SPAG1: variants seen among roughly 807,000 people sequenced by gnomAD.
SPAG1 encodes the protein sperm associated antigen 1, also known as sperm-associated antigen 1.
Under a neutral mutation model 100.5 loss-of-function variants are expected in SPAG1, and 69 were observed. The ratio of observed to expected loss-of-function variants is 0.69; its 90% CI spans 0.57 to 0.84. The LOEUF is 0.84. SPAG1 is among the 40% of genes least tolerant of loss of function. SPAG1 has a pLI of 0.00. For missense variants in SPAG1, 955 were observed against 1,133.1 expected (o/e 0.84, Z 2.26); for synonymous variants, 336 against 411.6 (o/e 0.82, Z 2.22).
chr8:100,223,760 T>C (rs1227453834), intron 13 of SPAG1, among the ~76,000 whole-genome samples: 3 of 152,078 alleles, frequency 2.0e-5, no homozygotes, highest in Non-Finnish European at 4.4e-5. Flanking sequence ...GCTGGTAATA[T>C]AAGTTTTGCT....
At chr8:100,237,738 T>C (rs1819069115) in intron 16 of SPAG1, among the ~76,000 whole-genome samples, 1 of 152,178 alleles carries the variant, frequency 6.6e-6, no homozygotes, top group African/African-American at 2.4e-5. Flanking sequence ...TCTGCCCTCT[T>C]CATGCTTGTC....
intron 3 of SPAG1, among the ~76,000 whole-genome samples, chr8:100,166,840 G>A (rs1301199012): frequency 6.6e-6 from 1 of 152,172 alleles, no homozygotes; most frequent in Non-Finnish European, 1.5e-5. Flanking sequence ...CTGAGAGACC[G>A]AGGCTGCCGT....
At chr8:100,210,662 A>T (rs940031783) in intron 10 of SPAG1, among the ~76,000 whole-genome samples, 22 of 151,954 alleles carry the variant, frequency 1.4e-4, no homozygotes, top group Admixed American at 9.2e-4. Flanking sequence ...TGAGCCTTTG[A>T]GTGATCCCAT....
intron 12 of SPAG1, among the ~76,000 whole-genome samples, chr8:100,216,724 A>AG (rs773491509): frequency 7.9e-5 from 12 of 152,268 alleles, no homozygotes; most frequent in Non-Finnish European, 1.5e-4. Context: ...GAGGCCCAGC[A>AG]GGGGGTGATT....
At position 100,186,508 on chromosome 8, in the gene SPAG1, G is replaced by T. The variant is rs1816596254; in HGVS notation, c.702-612G>T. On this transcript the variant is annotated intron_variant, in intron 7 of 18. Coordinates refer to ENST00000388798, the MANE Select transcript of SPAG1 (RefSeq NM_003114.5). Reference sequence around the variant, plus strand: ...TAAAGCTCAGATTCCAGATCTATCAGTATTTAAATTCCCATAATGCCTCTA... The same window carrying T: ...TAAAGCTCAGATTCCAGATCTATCATTATTTAAATTCCCATAATGCCTCTA... Among the ~76,000 whole-genome samples, 2 of 151,878 alleles carry T rather than the reference G, an allele frequency of 1.3e-5. 1 individual carries two copies. The highest frequency in any genetic ancestry group is 4.1e-4 in the South Asian group (2 of 4,822).
intron 13 of SPAG1, among the ~76,000 whole-genome samples, chr8:100,221,400 A>G (rs999345011): frequency 3.9e-5 from 6 of 152,230 alleles, no homozygotes; most frequent in African/African-American, 1.2e-4. Context: ...ATGGGAAGGT[A>G]AAAACTTCCA....
intron 14 of SPAG1, 45 bp from the exon 15 acceptor site, chr8:100,231,111 G>A (rs1250419121): frequency 1.4e-5 from 22 of 1,537,710 alleles, no homozygotes; most frequent in Non-Finnish European, 1.8e-5. Flanking sequence ...TTTTATAGAG[G>A]TGCTTGTACA....
At chr8:100,165,544 C>T (rs1815510687) in intron 2 of SPAG1, 5 of 386,404 alleles carry the variant, frequency 1.3e-5, no homozygotes, top group Non-Finnish European at 2.4e-5. Flanking sequence ...TCCACGGTGC[C>T]GGGGACCACA....
chr8:100,236,533 G>A (rs1339077867), intron 16 of SPAG1, among the ~76,000 whole-genome samples: 2 of 152,192 alleles, frequency 1.3e-5, no homozygotes, highest in African/African-American at 4.8e-5. Flanking sequence ...CTGCAATGAG[G>A]AAGTGGCACA....
At chr8:100,212,300 C>T (rs772374921) in intron 10 of SPAG1, among the ~76,000 whole-genome samples, 6 of 152,080 alleles carry the variant, frequency 3.9e-5, no homozygotes, top group Non-Finnish European at 7.4e-5. Context: ...GATAAGAATT[C>T]GTTAAAAGAG....
chr8:100,227,384 A>G (rs1414025416), intron 14 of SPAG1, among the ~76,000 whole-genome samples: 1 of 152,194 alleles, frequency 6.6e-6, no homozygotes, highest in Non-Finnish European at 1.5e-5. Flanking sequence ...GCTGTGCTTC[A>G]TCTTGCAGAT....
Position 100,229,337 on chromosome 8 carries a change from G to A in SPAG1, c.1856-1819G>A, listed in dbSNP as rs189032516. Among the ~76,000 whole-genome samples, 502 of 152,226 alleles carry A rather than the reference G, an allele frequency of 3.3e-3. 2 individuals carry two copies. Among genetic ancestry groups the A allele is most frequent in the African/African-American group, 0.011 (463 of 41,558 alleles). On this transcript the variant is annotated intron_variant, in intron 14 of 18. Transcript: ENST00000388798. ...TGGGAGGCTGAGGCAGGAGAATGGC[G>A]TGAACCCGGCAGGTGGAGCTTGCAG...
At chr8:100,187,500 T>C (rs1485656111) in intron 8 of SPAG1, among the ~76,000 whole-genome samples, 1 of 151,908 alleles carries the variant, frequency 6.6e-6, no homozygotes, top group Non-Finnish European at 1.5e-5. Flanking sequence ...AGTATCTCAA[T>C]AAACAAAAAA....
intron 7 of SPAG1, 74 bp from the exon 8 acceptor site, chr8:100,187,046 A>C (rs1194911841): frequency 8.2e-6 from 12 of 1,458,948 alleles, no homozygotes; most frequent in Non-Finnish European, 1.1e-5. Context: ...TTTATGTATA[A>C]CTGAAGCTGA....
chr8:100,224,593 GA>G (rs1015171731), intron 13 of SPAG1, among the ~76,000 whole-genome samples: 2 of 151,958 alleles, frequency 1.3e-5, no homozygotes, highest in African/African-American at 2.4e-5. Flanking sequence ...TTATAGAGAT[GA>G]AAAAAATACA....
chr8:100,164,517 C>T lies in SPAG1; in HGVS notation c.141-1297C>T, dbSNP rs1815460347. Reference sequence around the variant, plus strand: ...TCGGTTCACTGCAACCTCTGCCTCCCAGGTTCAAGTGATTCTCCTGCCTCA... The same window carrying T: ...TCGGTTCACTGCAACCTCTGCCTCCTAGGTTCAAGTGATTCTCCTGCCTCA... On this transcript the variant is annotated intron_variant, in intron 2 of 18. Coordinates refer to ENST00000388798, the MANE Select transcript of SPAG1 (RefSeq NM_003114.5). 2.0e-5 allele frequency among the ~76,000 whole-genome samples: 3 copies of T among 152,174 alleles called. No individual in the cohort carries two copies. The South Asian group carries it at 6.2e-4, about 32-fold the overall frequency.
intron 12 of SPAG1, among the ~76,000 whole-genome samples, chr8:100,218,297 T>G (rs1200807887): frequency 2.0e-5 from 3 of 152,168 alleles, no homozygotes; most frequent in African/African-American, 7.2e-5. Context: ...AGGATTGTAG[T>G]TAAAGAAATA....
chr8:100,189,723 T>C (rs1043547292), intron 8 of SPAG1, among the ~76,000 whole-genome samples: 2 of 152,178 alleles, frequency 1.3e-5, no homozygotes, highest in Admixed American at 6.6e-5. Flanking sequence ...CAGGAACTCA[T>C]TGTACTATCT....
intron 8 of SPAG1, among the ~76,000 whole-genome samples, chr8:100,189,460 G>T (rs968683219): frequency 6.7e-6 from 1 of 150,302 alleles, no homozygotes; most frequent in Non-Finnish European, 1.5e-5. Context: ...CTGGGCGACA[G>T]AACGAGAATC....
Sources: allele counts gnomAD v4.1 joint callset (sites outside exome capture counted in the v4.1 genomes callset), GRCh38; gene constraint gnomAD v4.1.1; transcripts MANE v1.5; gene names NCBI Gene and HGNC (gene_info 2026-07-23, HGNC 2026-07-21).